CPEB2: variants seen among roughly 807,000 people sequenced by gnomAD.
The protein encoded by CPEB2 is cytoplasmic polyadenylation element binding protein 2, also known as cytoplasmic polyadenylation element-binding protein 2.
A neutral mutation model predicts 93.6 loss-of-function variants in CPEB2; 56 were observed. That is an observed-to-expected ratio of 0.60 (90% CI 0.48 to 0.75). The LOEUF is 0.75. Among genes scored for constraint, CPEB2 ranks in the 30% least tolerant of loss-of-function variants. The pLI is 0.00. For missense variants in CPEB2, 1,579 were observed against 1,395.1 expected (o/e 1.13, Z -2.10); for synonymous variants, 764 against 586.3 (o/e 1.30, Z -4.38).
In CPEB2 at chr4:15,060,002, T is replaced by C. The variant is rs188837727; in HGVS notation, c.2695+701T>C. Among the ~76,000 whole-genome samples the C allele has an allele frequency of 2.4e-4, 36 of 152,312 alleles. 1 individual carries two copies. Among genetic ancestry groups the C allele is most frequent in the Admixed American group, 2.3e-3 (35 of 15,288 alleles). ...CAGAAGAGCATGTAGCAAGGAAATA[T>C]GATATCTGATATCTTGAAGGTATTT... On this transcript the variant is annotated intron_variant, in intron 10 of 11. Transcript: ENST00000538197.
intron 5 of CPEB2, among the ~76,000 whole-genome samples, chr4:15,035,854 A>G (rs542894548): frequency 3.4e-4 from 52 of 152,334 alleles, no homozygotes; most frequent in African/African-American, 1.2e-3. Flanking sequence ...GACTGTTGCA[A>G]TTAAAGAACA....
rs534373489 is a variant in CPEB2, at chr4:15,068,980, T to G, written c.*2600T>G. ...TAACTTTTAAACACTGTATTGGAGGTTTTTTTTTAATTTACAGATCATATT... is the reference window on the plus strand; with the variant it reads ...TAACTTTTAAACACTGTATTGGAGGGTTTTTTTTAATTTACAGATCATATT... On this transcript the variant is annotated 3_prime_UTR_variant, in exon 12 of 12. Coordinates refer to ENST00000538197, the MANE Select transcript of CPEB2 (RefSeq NM_001177382.2). The G allele has an allele frequency of 1.0e-3, 54 of 52,466 alleles. No individual in the cohort carries two copies. Among genetic ancestry groups the G allele is most frequent in the East Asian group, 0.01 (30 of 2,928 alleles). The allele number at this position is 52,466 out of a possible 1,614,324, so 3.3% of individuals were successfully genotyped here. A position where few individuals can be genotyped will look rare whatever the true frequency, so the allele number is the denominator to read the frequency against.
chr4:15,052,383 A>G, intron 6 of CPEB2, 31 bp from the exon 7 acceptor site: 1 of 1,340,184 alleles, frequency 7.5e-7, no homozygotes, highest in Non-Finnish European at 9.8e-7. Flanking sequence ...CTCAGATCTG[A>G]GATTCAAGTT....
Position 15,003,827 on chromosome 4 carries a change from T to G in CPEB2, c.1154T>G (p.Val385Gly). The change falls in exon 1 of 12, where the codon GTG becomes GGG. Residue 385 changes from valine to glycine, a missense_variant. This residue lies in a region of CPEB2 where 1,411 missense variants were observed against 1,056.0 expected (regional missense o/e 1.34). Coordinates refer to ENST00000538197, the MANE Select transcript of CPEB2 (RefSeq NM_001177382.2). ...PLPGFGTPWS[V>G]QTASPPPQPQ... is the part of the protein sequence containing the mutation. The stretch of plus-strand genomic sequence containing the variant: ...CCCGGCTTCGGCACCCCCTGGTCGG[T>G]GCAGACCGCGTCGCCGCCACCCCAG... 1.1e-6 allele frequency: 1 copy of G among 943,512 alleles called. No individual in the cohort carries two copies. Among genetic ancestry groups the G allele is most frequent in the Non-Finnish European group, 1.4e-6 (1 of 724,616 alleles). 58.4% of individuals were successfully genotyped at this position (943,512 alleles called of 1,614,324 possible). A position where few individuals can be genotyped will look rare whatever the true frequency, so the allele number is the denominator to read the frequency against.
Position 15,033,142 on chromosome 4 carries a change from C to T in CPEB2, c.2126-19C>T, listed in dbSNP as rs1560234930. On this transcript the variant is annotated intron_variant, in intron 4 of 11. Coordinates refer to ENST00000538197, the MANE Select transcript of CPEB2 (RefSeq NM_001177382.2). Reference sequence around the variant, plus strand: ...ATAACTCCATAATCTTCAAACTCACCTTTCCTGTCTTTTTAAAGGTCGATT... The same window carrying T: ...ATAACTCCATAATCTTCAAACTCACTTTTCCTGTCTTTTTAAAGGTCGATT... 1 of 1,581,972 alleles carries T rather than the reference C, an allele frequency of 6.3e-7. No individual in the cohort carries two copies. Among genetic ancestry groups the T allele is most frequent in the Admixed American group, 1.7e-5 (1 of 57,996 alleles).
chr4:15,013,383 G>T (rs1209774764), intron 3 of CPEB2, among the ~76,000 whole-genome samples: 2 of 151,768 alleles, frequency 1.3e-5, no homozygotes, highest in African/African-American at 4.8e-5. Flanking sequence ...GAAGTATTTT[G>T]GTGCTTTCAA....
At chr4:15,053,179 G>A (rs963294171) in intron 7 of CPEB2, among the ~76,000 whole-genome samples, 27 of 152,000 alleles carry the variant, frequency 1.8e-4, no homozygotes, top group East Asian at 1.2e-3. Flanking sequence ...ACCATGCCCC[G>A]CTAATTTGTT....
At chr4:15,004,737 G>A (rs1451667953) in intron 1 of CPEB2, among the ~76,000 whole-genome samples, 1 of 151,880 alleles carries the variant, frequency 6.6e-6, no homozygotes, top group African/African-American at 2.4e-5. Context: ...CCTGTGCCCT[G>A]GGCCTGGAGG....
chr4:15,024,877 C>G (rs1042296315), intron 4 of CPEB2, among the ~76,000 whole-genome samples: 1 of 151,590 alleles, frequency 6.6e-6, no homozygotes, highest in African/African-American at 2.4e-5. Flanking sequence ...TCCCAAGTAG[C>G]TGGGATTACA....
intron 4 of CPEB2, among the ~76,000 whole-genome samples, chr4:15,026,238 G>GT (rs927341513): frequency 8.0e-5 from 12 of 150,462 alleles, no homozygotes; most frequent in African/African-American, 2.9e-4. Flanking sequence ...TTTTGTTTTT[G>GT]TTTTTTGAGA....
chr4:15,022,638 A>G (rs1724942255), intron 4 of CPEB2, among the ~76,000 whole-genome samples: 1 of 152,118 alleles, frequency 6.6e-6, no homozygotes, highest in South Asian at 2.1e-4. Flanking sequence ...TTGATAGGAA[A>G]AAAAATTATT....
chr4:15,043,289 C>G (rs1320161087), intron 6 of CPEB2, among the ~76,000 whole-genome samples: 2 of 152,086 alleles, frequency 1.3e-5, no homozygotes, highest in African/African-American at 4.8e-5. Context: ...TAGGAATAAT[C>G]AAAATGTAAT....
At chr4:15,036,445 G>A (rs1726619411) in intron 5 of CPEB2, among the ~76,000 whole-genome samples, 1 of 150,162 alleles carries the variant, frequency 6.7e-6, no homozygotes, top group African/African-American at 2.5e-5. Flanking sequence ...AACCAAAGGT[G>A]AAGTACTTCT....
At chr4:15,041,405 C>CTT (rs34625144) in intron 6 of CPEB2, among the ~76,000 whole-genome samples, 2 of 144,756 alleles carry the variant, frequency 1.4e-5, no homozygotes, top group Non-Finnish European at 3.1e-5. Flanking sequence ...CCTTTGATCA[C>CTT]TTTTTTTTTT....
chr4:15,047,939 G>A (rs1393900705), intron 6 of CPEB2, among the ~76,000 whole-genome samples: 1 of 147,932 alleles, frequency 6.8e-6, no homozygotes, highest in East Asian at 2.0e-4. Flanking sequence ...ATTATGAATA[G>A]CTGTTGAGTT....
chr4:15,005,092 G>A (rs939470094), intron 1 of CPEB2: 3 of 152,236 alleles, frequency 2.0e-5, no homozygotes, highest in Non-Finnish European at 4.4e-5. Flanking sequence ...AGTCGGGAGG[G>A]AGCGGCCGAC....
chr4:15,004,454 C>A (rs942081833), intron 1 of CPEB2, 119 bp downstream of exon 1: 1 of 678,252 alleles, frequency 1.5e-6, no homozygotes, highest in Non-Finnish European at 2.2e-6. Flanking sequence ...GCGACGGGGG[C>A]CACTCGCCCA....
chr4:15,050,974 T>C (rs145949146), intron 6 of CPEB2, among the ~76,000 whole-genome samples: 56 of 152,364 alleles, frequency 3.7e-4, no homozygotes, highest in Middle Eastern at 3.4e-3. Flanking sequence ...TAACAGCATA[T>C]AAAACTTTAC....
At position 15,062,225 on chromosome 4, in the gene CPEB2, T is replaced by C; in HGVS notation, c.2842T>C (p.Phe948Leu). ...CTATATTGCTGCCATTAGTGCTCGG[T>C]TTGTTCAGCTTCAGCATGGTGATAT... Reference protein sequence around the residue: ...QSYIAAISARFVQLQHGDIDK... With the variant: ...QSYIAAISARLVQLQHGDIDK... The change falls in exon 11 of 12, where the codon TTT (phenylalanine) becomes CTT (leucine). Residue 948 changes from phenylalanine to leucine, a missense_variant. Coordinates refer to ENST00000538197, the MANE Select transcript of CPEB2 (RefSeq NM_001177382.2). 1 of 1,612,198 alleles carries C rather than the reference T, an allele frequency of 6.2e-7. No homozygotes were observed. The highest frequency in any genetic ancestry group is 8.5e-7 in the Non-Finnish European group (1 of 1,178,806).
Sources: gnomAD v4.1 joint callset for allele counts (sites outside exome capture counted in the v4.1 genomes callset) on GRCh38, gnomAD v4.1.1 for gene constraint, gnomAD v4.1.1 regional missense constraint, MANE v1.5 for transcripts, NCBI Gene and HGNC (gene_info 2026-07-23, HGNC 2026-07-21) for gene names.